Variants in APC observed in about 807,000 individuals in gnomAD.
APC encodes adenomatous polyposis coli protein.
A neutral mutation model predicts 247.0 loss-of-function variants in APC; 72 were observed. The observed-to-expected ratio is 0.29, with a 90% confidence interval of 0.24 to 0.35. The LOEUF (loss-of-function observed/expected upper bound fraction) is 0.35. APC is among the 10% of genes least tolerant of loss of function. The pLI is 1.00. For missense variants in APC, 3,400 were observed against 3,360.7 expected, an observed-to-expected ratio of 1.01 and a Z score of -0.29; for synonymous variants, 1,254 against 1,162.5, an observed-to-expected ratio of 1.08 and a Z score of -1.60.
rs776878597 is a variant in APC at position 112,838,128 on chromosome 5, G to A, written c.2534G>A (p.Arg845His). 4.5e-5 allele frequency: 73 copies of A among 1,613,990 alleles called. No homozygotes were observed. The highest frequency in any genetic ancestry group is 5.8e-5 in the Non-Finnish European group (68 of 1,180,022). ...TCAAGAGGAAGCTTAGATAGTTCTC[G>A]TTCTGAAAAAGATAGAAGTTTGGAG... is the stretch of plus-strand genomic sequence containing the variant. ...SSSRGSLDSS[R>H]SEKDRSLERE... Residue 845 changes from arginine to histidine, a missense_variant, in exon 16 of 16, where the codon CGT becomes CAT. Transcript: ENST00000257430.
chr5:112,721,883 A>G (rs1751501251), intron 1 of APC, among the ~76,000 whole-genome samples: 1 of 152,174 alleles, frequency 6.6e-6, no homozygotes, highest in African/African-American at 2.4e-5. Context: ...CTTGAAAAAA[A>G]ATTGCAGGAA....
chr5:112,733,556 T>C (rs375419481), upstream of APC, among the ~76,000 whole-genome samples: 17 of 152,216 alleles, frequency 1.1e-4, no homozygotes, highest in East Asian at 2.1e-3. Context: ...AGTGGATCTG[T>C]AGAAGCCAGA....
rs1114167545 is a variant in APC at position 112,819,210 on chromosome 5, C to T, written c.1178C>T (p.Ser393Leu). Residue 393 changes from serine to leucine, a missense_variant, in exon 10 of 16, where the codon TCA becomes TTA. By Grantham distance (145) the Ser-to-Leu change is moderately radical. Coordinates refer to ENST00000257430, the MANE Select transcript of APC (RefSeq NM_000038.6). ...ASAALHNIIH[S>L]QPDDKRGRRE... ...GCAGCACTCCACAACATCATTCACT[C>T]ACAGCCTGATGACAAGAGAGGCAGG... 3 of 1,614,006 alleles carry T rather than the reference C, an allele frequency of 1.9e-6. No individual in the cohort carries two copies. The East Asian group carries it at 6.7e-5, about 36-fold the overall frequency.
rs756131416 is a variant in APC, at chr5:112,838,620, A to G, written c.3026A>G (p.His1009Arg). The change falls in exon 16 of 16, where the codon CAT becomes CGT. Residue 1009 changes from histidine (H) to arginine (R), a missense_variant. His to Arg is a conservative substitution (Grantham distance 29, BLOSUM62 0). Coordinates refer to ENST00000257430, the MANE Select transcript of APC (RefSeq NM_000038.6). ...CCAGCCGACCTAGCCCATAAAATAC[A>G]TAGTGCAAATCATATGGATGATAAT... ...QYPADLAHKIHSANHMDDNDG... is the reference protein window; with the variant it reads ...QYPADLAHKIRSANHMDDNDG... 5 of 1,614,174 alleles carry G rather than the reference A, an allele frequency of 3.1e-6. No homozygotes were observed. In the South Asian group the frequency reaches 3.3e-5, roughly 11 times the overall value.
chr5:112,802,598 C>T (rs927118454), intron 8 of APC, among the ~76,000 whole-genome samples: 1 of 152,028 alleles, frequency 6.6e-6, no homozygotes, highest in African/African-American at 2.4e-5. Context: ...CCATATTACA[C>T]TTACTACATC....
At chr5:112,769,338 A>G (rs1377533182) in intron 4 of APC, among the ~76,000 whole-genome samples, 4 of 152,094 alleles carry the variant, frequency 2.6e-5, no homozygotes, top group Non-Finnish European at 5.9e-5. Context: ...GGCATGAGCC[A>G]CTGCGCCTGG....
At chr5:112,830,667 A>T (rs1324696518) in intron 14 of APC, among the ~76,000 whole-genome samples, 1 of 152,248 alleles carries the variant, frequency 6.6e-6, no homozygotes, top group Non-Finnish European at 1.5e-5. Context: ...AATGGTAAGC[A>T]AATTGTGGAA....
chr5:112,833,411 G>C (rs988714508), intron 14 of APC, among the ~76,000 whole-genome samples: 1 of 151,956 alleles, frequency 6.6e-6, no homozygotes, highest in African/African-American at 2.4e-5. Context: ...TCGATCTCCT[G>C]ACCTCGTGAT....
intron 2 of APC, among the ~76,000 whole-genome samples, chr5:112,760,266 A>G (rs1203284085): frequency 6.6e-6 from 1 of 152,180 alleles, no homozygotes; most frequent in East Asian, 1.9e-4. Context: ...TAGAGATACT[A>G]GCATTTAGAG....
chr5:112,711,451 A>G (rs1435908593), intron 1 of APC, among the ~76,000 whole-genome samples: 2 of 152,250 alleles, frequency 1.3e-5, no homozygotes, highest in African/African-American at 4.8e-5. Context: ...TGTAGTCATA[A>G]AACGATCTAG....
At chr5:112,812,976 G>A (rs182599504) in intron 8 of APC, among the ~76,000 whole-genome samples, 26 of 152,244 alleles carry the variant, frequency 1.7e-4, no homozygotes, top group Admixed American at 1.1e-3. Flanking sequence ...TCCTAGAAGT[G>A]TCCCTAGTCA....
chr5:112,831,300 G>A (rs1378257216), intron 14 of APC, among the ~76,000 whole-genome samples: 1 of 152,054 alleles, frequency 6.6e-6, no homozygotes, highest in Non-Finnish European at 1.5e-5. Flanking sequence ...GTAGAGACGG[G>A]GTTTCACCAT....
chr5:112,824,760 G>C (rs923750362), intron 11 of APC, among the ~76,000 whole-genome samples: 1 of 32,214 alleles, frequency 3.1e-5, no homozygotes, highest in Non-Finnish European at 6.7e-5. Flanking sequence ...TAGTATACCA[G>C]GCCAAGTCTT....
chr5:112,844,193 C>G lies in APC; in HGVS notation c.*67C>G. On this transcript the variant is annotated 3_prime_UTR_variant, in exon 16 of 16. Transcript: ENST00000257430. ...CAACTGCTATATAGACATTTTGTTT[C>G]AAATGAAACTTTAAAAGACTGAAAA... 1.4e-6 allele frequency: 2 copies of G among 1,437,336 alleles called. No homozygotes were observed. The highest frequency in any genetic ancestry group is 2.4e-5 in the East Asian group (1 of 42,182). The allele number at this position is 1,437,336 out of a possible 1,614,324, so 89.0% of individuals were successfully genotyped here.
upstream of APC, chr5:112,737,714 C>T (rs1007004214): frequency 4.2e-6 from 2 of 480,272 alleles, no homozygotes; most frequent in Non-Finnish European, 5.4e-6. Context: ...TTGGGCGGGG[C>T]CCTGTGCCCC....
upstream of APC, among the ~76,000 whole-genome samples, chr5:112,736,260 A>G (rs908329285): frequency 1.1e-4 from 17 of 152,240 alleles, no homozygotes; most frequent in African/African-American, 3.4e-4. Context: ...ATTTATTTCA[A>G]ATATGAAGGG....
At chr5:112,816,739 G>C (rs1762548667) in intron 9 of APC, among the ~76,000 whole-genome samples, 1 of 151,440 alleles carries the variant, frequency 6.6e-6, no homozygotes, top group South Asian at 2.1e-4. Flanking sequence ...GTTGCAGTGA[G>C]CTGAGATTGT....
intron 7 of APC, 128 bp downstream of exon 7, chr5:112,792,657 A>T (rs938026800): frequency 5.8e-6 from 4 of 689,746 alleles, no homozygotes; most frequent in Middle Eastern, 3.6e-4. Flanking sequence ...AAATACCGTA[A>T]TTTTTTTCGT....
intron 1 of APC, among the ~76,000 whole-genome samples, chr5:112,726,232 C>T (rs141729283): frequency 1.1e-3 from 167 of 152,316 alleles, no homozygotes; most frequent in African/African-American, 3.9e-3. Flanking sequence ...CCTCCTGGTA[C>T]CCAGGTCCTT....
Sources: allele counts gnomAD v4.1 joint callset (sites outside exome capture counted in the v4.1 genomes callset), GRCh38; gene constraint gnomAD v4.1.1; transcripts MANE v1.5; gene names NCBI Gene and HGNC (gene_info 2026-07-23, HGNC 2026-07-21).